The following SIK2 variants were observed in gnomAD, a reference collection of about 807,000 sequenced individuals.
The protein encoded by SIK2 is salt inducible kinase 2, also known as serine/threonine-protein kinase SIK2.
A neutral mutation model predicts 103.2 loss-of-function variants in SIK2; 29 were observed. The observed-to-expected ratio is 0.28, with a 90% CI of 0.21 to 0.38. The LOEUF (loss-of-function observed/expected upper bound fraction) is 0.38, where lower values mean the gene tolerates loss of function less well. Among genes scored for constraint, SIK2 ranks in the 10% least tolerant of loss-of-function variants. SIK2 has a pLI of 1.00. For missense variants in SIK2, 879 were observed against 1,171.0 expected (o/e 0.75, Z 3.64); for synonymous variants, 412 against 446.1 (o/e 0.92, Z 0.96).
intron 3 of SIK2, among the ~76,000 whole-genome samples, chr11:111,629,225 G>A (rs190057083): frequency 1.3e-5 from 2 of 152,298 alleles, no homozygotes; most frequent in East Asian, 3.9e-4. Flanking sequence ...GTTGGGTACT[G>A]TCTAAAGTAC....
chr11:111,602,761 A>C lies in SIK2; in HGVS notation c.135+63A>C. ...GGTTCGGGAGAGGAGCTGCTTACCG[A>C]GAGGGGCGGCCGCAGTGGTGGGACC... On this transcript the variant is annotated intron_variant, in intron 1 of 14. Coordinates refer to ENST00000304987, the MANE Select transcript of SIK2 (RefSeq NM_015191.3). This position sits in a 1 kb window ranked among gnomAD's most constrained non-coding sequence, Gnocchi z 4.5. 4 of 1,423,250 alleles carry C rather than the reference A, an allele frequency of 2.8e-6. No individual in the cohort carries two copies. The highest frequency in any genetic ancestry group is 3.7e-6 in the Non-Finnish European group (4 of 1,089,812). The allele number at this position is 1,423,250 out of a possible 1,614,324, so 88.2% of individuals were successfully genotyped here.
rs1943329123 is a variant in SIK2, at chr11:111,705,731, C to T, written c.1101+592C>T. On this transcript the variant is annotated intron_variant, in intron 8 of 14. Transcript: ENST00000304987. The surrounding 1 kb of genome is among the most constrained non-coding windows in gnomAD (Gnocchi z 4.3). ...CAAGGTAAAGAGTTTACTTACAATT[C>T]AAGAAGCAACAAGGACCTACTGAAG... is the stretch of plus-strand genomic sequence containing the variant. Among the ~76,000 whole-genome samples the T allele has an allele frequency of 6.6e-6, 1 of 152,116 alleles. No homozygotes were observed. Among genetic ancestry groups the T allele is most frequent in the South Asian group, 2.1e-4 (1 of 4,824 alleles).
intron 8 of SIK2, among the ~76,000 whole-genome samples, chr11:111,710,095 TTTGA>T (rs1255061253): frequency 5.9e-5 from 9 of 152,348 alleles, no homozygotes; most frequent in Admixed American, 5.2e-4. Flanking sequence ...AGTTTTATCC[TTTGA>T]TTGAAAAGCT....
At chr11:111,661,446 C>A (rs960156047) in intron 3 of SIK2, among the ~76,000 whole-genome samples, 6 of 152,214 alleles carry the variant, frequency 3.9e-5, no homozygotes, top group Non-Finnish European at 8.8e-5. Context: ...GTTTTAGATA[C>A]TTCTATAAGC....
chr11:111,692,388 A>AAAAAAAAAAAAAAAAAAAC (rs1942967737), intron 4 of SIK2, among the ~76,000 whole-genome samples: 1 of 110,916 alleles, frequency 9.0e-6, no homozygotes, highest in Non-Finnish European at 2.0e-5. Flanking sequence ...AAAAAAAAAA[A>AAAAAAAAAAAAAAAAAAAC]CACAAAAAGG....
At chr11:111,708,715 C>T (rs577111929) in intron 8 of SIK2, among the ~76,000 whole-genome samples, 3 of 152,164 alleles carry the variant, frequency 2.0e-5, no homozygotes, top group African/African-American at 7.2e-5. Context: ...TCCCAAGTAG[C>T]TGGGACCACA....
In SIK2 at chr11:111,703,130, C is replaced by G. The variant is rs1002843349; in HGVS notation, c.728-73C>G. 41 of 1,379,012 alleles carry G rather than the reference C, an allele frequency of 3.0e-5. No homozygotes were observed. In the African/African-American group the frequency reaches 3.8e-4, roughly 13 times the overall value. 85.4% of individuals were successfully genotyped at this position (1,379,012 alleles called of 1,614,324 possible). ...AAAGATTAACACCCTTGTACAAAGT[C>G]ACATGAGTCAAGCAAATAACCCTGA... On this transcript the variant is annotated intron_variant, in intron 6 of 14. Transcript: ENST00000304987.
chr11:111,618,988 G>A (rs780250697), intron 2 of SIK2, among the ~76,000 whole-genome samples: 11 of 151,998 alleles, frequency 7.2e-5, no homozygotes. Flanking sequence ...CTCCCACGTT[G>A]GCCTCTCAAA....
intron 1 of SIK2, among the ~76,000 whole-genome samples, chr11:111,615,828 A>G (rs1186329858): frequency 6.6e-6 from 1 of 152,192 alleles, no homozygotes; most frequent in Non-Finnish European, 1.5e-5. Flanking sequence ...GGAAAATAGT[A>G]TTTCAGTGCA....
rs1025873451 is a variant in SIK2 at position 111,705,464 on chromosome 11, G to C, written c.1101+325G>C. Among the ~76,000 whole-genome samples, 4 of 152,118 alleles carry C rather than the reference G, an allele frequency of 2.6e-5. No homozygotes were observed. Among genetic ancestry groups the C allele is most frequent in the African/African-American group, 9.7e-5 (4 of 41,412 alleles). On this transcript the variant is annotated intron_variant, in intron 8 of 14. Transcript: ENST00000304987. This position sits in a 1 kb window ranked among gnomAD's most constrained non-coding sequence, Gnocchi z 4.3. ...GAGCTTCTATTCTTAGGCACTGTTGGGGGTAAGATATATAAACTACAGTCA... is the reference window on the plus strand; with the variant it reads ...GAGCTTCTATTCTTAGGCACTGTTGCGGGTAAGATATATAAACTACAGTCA...
chr11:111,625,897 GT>G (rs1941955034), intron 3 of SIK2, among the ~76,000 whole-genome samples: 1 of 152,168 alleles, frequency 6.6e-6, no homozygotes, highest in Admixed American at 6.5e-5. Context: ...TTGGACTGTA[GT>G]TTTACAAGTA....
intron 3 of SIK2, among the ~76,000 whole-genome samples, chr11:111,628,021 A>G (rs1438327690): frequency 6.6e-6 from 1 of 152,156 alleles, no homozygotes; most frequent in African/African-American, 2.4e-5. Context: ...TTTTTATTAT[A>G]TTACAACTGT....
rs1363425148 is a variant in SIK2 at position 111,729,731 on chromosome 11, C to T, written c.*5602C>T. ...GTGATATTGTTCCCACAACCTTATT[C>T]TCCACTCAACAGCCGCCTGGCTTTG... On this transcript the variant is annotated 3_prime_UTR_variant, in exon 15 of 15. Transcript: ENST00000304987. 7 of 152,284 alleles carry T rather than the reference C, an allele frequency of 4.6e-5. No individual in the cohort carries two copies. Among genetic ancestry groups the T allele is most frequent in the African/African-American group, 1.7e-4 (7 of 41,466 alleles). 9.4% of individuals were successfully genotyped at this position (152,284 alleles called of 1,614,324 possible).
chr11:111,634,099 A>T (rs1942074198), intron 3 of SIK2, among the ~76,000 whole-genome samples: 1 of 152,206 alleles, frequency 6.6e-6, no homozygotes, highest in Non-Finnish European at 1.5e-5. Context: ...TGGCCTGGTA[A>T]TTAAATTACC....
At chr11:111,632,491 G>A (rs1942052835) in intron 3 of SIK2, among the ~76,000 whole-genome samples, 1 of 152,038 alleles carries the variant, frequency 6.6e-6, no homozygotes, top group East Asian at 1.9e-4. Flanking sequence ...CATATATCAG[G>A]CATTGTGTTC....
rs1177584660 is a variant in SIK2 at position 111,721,076 on chromosome 11, G to A, written c.1944+14G>A. The A allele has an allele frequency of 6.2e-7, 1 of 1,604,258 alleles. No homozygotes were observed. The highest frequency in any genetic ancestry group is 1.7e-5 in the Admixed American group (1 of 57,428). On this transcript the variant is annotated intron_variant, in intron 12 of 14. Transcript: ENST00000304987. ...AGCTGCCCTCAGGTGGGTACCTTGG[G>A]CCCTTCCCTCAATGGCTCTGTGAGG... is the stretch of plus-strand genomic sequence containing the variant.
chr11:111,717,650 C>T lies in SIK2; in HGVS notation c.1267-2125C>T, dbSNP rs1414670327. On this transcript the variant is annotated intron_variant, in intron 9 of 14. Transcript: ENST00000304987. ...ATAAAGATACATGCATGAGTCTGCT[C>T]GTTGCAGCTCTATTCACAACAGCAA... Among the ~76,000 whole-genome samples, 4 of 152,162 alleles carry T rather than the reference C, an allele frequency of 2.6e-5. No homozygotes were observed. The East Asian group carries it at 5.8e-4, about 22-fold the overall frequency.
intron 3 of SIK2, among the ~76,000 whole-genome samples, chr11:111,628,451 T>TTTCTTTCTTTCTTTCTTTCTTTCC (rs1202914561): frequency 2.6e-4 from 38 of 144,870 alleles, no homozygotes; most frequent in African/African-American, 1.0e-3. Context: ...TCTTTCTTTC[T>TTTCTTTCTTTCTTTCTTTCTTTCC]TTTTTGAGAC....
Position 111,723,629 on chromosome 11 carries a change from C to T in SIK2, c.2281C>T (p.Pro761Ser). The T allele has an allele frequency of 6.2e-7, 1 of 1,613,782 alleles. No homozygotes were observed. The highest frequency in any genetic ancestry group is 8.5e-7 in the Non-Finnish European group (1 of 1,179,974). The change falls in exon 15 of 15, where the codon CCT becomes TCT. Residue 761 changes from proline to serine, a missense_variant. By Grantham distance (74) the Pro-to-Ser change is moderately conservative. Transcript: ENST00000304987. ...LPLPRQETPP[P>S]SQQAPPFSLT... ...CCTTCCCCGCCAGGAGACTCCACCG[C>T]CTTCTCAGCAGGCCCCACCGTTCAG...
Sources: allele counts gnomAD v4.1 joint callset (sites outside exome capture counted in the v4.1 genomes callset), GRCh38; gene constraint gnomAD v4.1.1; non-coding constraint Gnocchi (gnomAD v3.1); transcripts MANE v1.5; gene names NCBI Gene and HGNC (gene_info 2026-07-23, HGNC 2026-07-21).